The following DOCK1 variants were observed in gnomAD, a reference collection of about 807,000 sequenced individuals.
The protein encoded by DOCK1 is dedicator of cytokinesis protein 1.
A neutral mutation model predicts 262.7 loss-of-function variants in DOCK1; 138 were observed. The ratio of observed to expected loss-of-function variants is 0.53; its 90% CI spans 0.46 to 0.61. The LOEUF (loss-of-function observed/expected upper bound fraction) is 0.61. Among genes scored for constraint, DOCK1 ranks in the 20% least tolerant of loss-of-function variants. DOCK1 has a pLI of 0.00. For synonymous variants in DOCK1, 866 were observed against 867.4 expected (o/e 1.00, Z 0.03); for missense variants, 1,908 against 2,370.7 (o/e 0.80, Z 4.05).
At chr10:127,360,517 T>G (rs560133621) in intron 32 of DOCK1, among the ~76,000 whole-genome samples, 29 of 152,294 alleles carry the variant, frequency 1.9e-4, no homozygotes, top group Admixed American at 3.3e-4. Context: ...CAAAAACCAT[T>G]GAAATTAAAA....
At chr10:127,310,411 C>A (rs11017226) in intron 29 of DOCK1, among the ~76,000 whole-genome samples, 1 of 151,956 alleles carries the variant, frequency 6.6e-6, no homozygotes, top group Non-Finnish European at 1.5e-5. Context: ...GGGAGAATCA[C>A]GGGAGGCCAA....
At chr10:127,091,706 C>A (rs942803749) in intron 23 of DOCK1, among the ~76,000 whole-genome samples, 1 of 152,186 alleles carries the variant, frequency 6.6e-6, no homozygotes, top group African/African-American at 2.4e-5. Context: ...CAGAGAAGAG[C>A]GTGTCAAAAT....
chr10:127,441,988 G>A (rs1323456285), intron 49 of DOCK1, among the ~76,000 whole-genome samples: 2 of 152,102 alleles, frequency 1.3e-5, no homozygotes. Context: ...AATCTCTCTT[G>A]CCAGCACATT....
intron 23 of DOCK1, among the ~76,000 whole-genome samples, chr10:127,089,345 C>A (rs932184497): frequency 6.6e-6 from 1 of 152,172 alleles, no homozygotes; most frequent in Non-Finnish European, 1.5e-5. Flanking sequence ...TGGAGGCCCC[C>A]ACATCTGGAT....
chr10:127,413,217 G>T (rs1329995783), intron 43 of DOCK1, among the ~76,000 whole-genome samples: 2 of 152,328 alleles, frequency 1.3e-5, no homozygotes, highest in African/African-American at 4.8e-5. Flanking sequence ...GTGAGCCACT[G>T]GAGGGTGCGC....
chr10:127,441,118 G>A (rs2070094596), intron 49 of DOCK1, among the ~76,000 whole-genome samples: 1 of 152,214 alleles, frequency 6.6e-6, no homozygotes, highest in South Asian at 2.1e-4. Flanking sequence ...AAATTGGAGG[G>A]CCTCGGAGCA....
chr10:127,293,445 C>T (rs114193383), intron 29 of DOCK1, among the ~76,000 whole-genome samples: 2,463 of 152,284 alleles, frequency 0.016, 75 homozygotes, highest in African/African-American at 0.057. Flanking sequence ...GGGCCAGCAC[C>T]GGGTTTTGTG....
intron 22 of DOCK1, among the ~76,000 whole-genome samples, chr10:127,057,508 T>G (rs1391437612): frequency 1.3e-5 from 2 of 152,220 alleles, no homozygotes; most frequent in African/African-American, 2.4e-5. Context: ...TTGTTTTGTT[T>G]AGAAAGCTCA....
intron 25 of DOCK1, 73 bp downstream of exon 25, chr10:127,110,427 C>G (rs537357845): frequency 7.4e-7 from 1 of 1,360,098 alleles, no homozygotes; most frequent in African/African-American, 1.4e-5. Context: ...TCTGAATTGC[C>G]TCTTCTTGAC....
chr10:127,236,509 T>TG (rs1298336081), intron 27 of DOCK1, among the ~76,000 whole-genome samples: 2 of 144,218 alleles, frequency 1.4e-5, no homozygotes, highest in Non-Finnish European at 3.0e-5. Flanking sequence ...GGTTTTTTTT[T>TG]TTTTTTTTTT....
chr10:127,378,228 G>A (rs1484136851), intron 35 of DOCK1, among the ~76,000 whole-genome samples: 2 of 152,134 alleles, frequency 1.3e-5, no homozygotes, highest in African/African-American at 2.4e-5. Context: ...AATGCAGAGT[G>A]GGGTCCAGTA....
intron 44 of DOCK1, 71 bp from the exon 45 acceptor site, chr10:127,418,294 G>C (rs1186319428): frequency 1.4e-6 from 2 of 1,436,488 alleles, no homozygotes; most frequent in African/African-American, 2.9e-5. Flanking sequence ...AGAGCACGTG[G>C]CTCCTCTGGT....
intron 27 of DOCK1, among the ~76,000 whole-genome samples, chr10:127,211,187 C>G: frequency 6.6e-6 from 1 of 152,176 alleles, no homozygotes; most frequent in Non-Finnish European, 1.5e-5. Flanking sequence ...GAGTCCTGCA[C>G]TCTAACTGCA....
At chr10:126,906,318 C>T (rs1215397129) in intron 1 of DOCK1, among the ~76,000 whole-genome samples, 2 of 152,164 alleles carry the variant, frequency 1.3e-5, no homozygotes, top group African/African-American at 2.4e-5. Flanking sequence ...GGGAGGCTTT[C>T]CCTTGCGGCT....
chr10:127,244,582 G>A (rs759374716), intron 27 of DOCK1, among the ~76,000 whole-genome samples: 2 of 152,048 alleles, frequency 1.3e-5, no homozygotes, highest in African/African-American at 2.4e-5. Context: ...TTGCTATTTT[G>A]GCAGGCAAAT....
intron 43 of DOCK1, among the ~76,000 whole-genome samples, chr10:127,413,866 G>A (rs566682228): frequency 3.5e-4 from 54 of 152,222 alleles, no homozygotes; most frequent in African/African-American, 1.2e-3. Context: ...CCTATGGAAC[G>A]TAAGAAGTTT....
At chr10:127,167,889 C>A (rs1421994297) in intron 27 of DOCK1, among the ~76,000 whole-genome samples, 1 of 152,190 alleles carries the variant, frequency 6.6e-6, no homozygotes, top group Non-Finnish European at 1.5e-5. Context: ...AGCTCCTCCC[C>A]TGGCTTCACC....
At chr10:127,450,722 T>A (rs6482917) in intron 51 of DOCK1, among the ~76,000 whole-genome samples, 28,874 of 152,034 alleles carry the variant, frequency 0.19, 3,541 homozygotes, top group African/African-American at 0.35. Context: ...TTTTGGAATC[T>A]AAAGTAATAT....
chr10:127,084,746 C>T (rs1159948785), intron 23 of DOCK1, among the ~76,000 whole-genome samples: 2 of 152,180 alleles, frequency 1.3e-5, no homozygotes, highest in Non-Finnish European at 2.9e-5. Flanking sequence ...TCTCACTCCA[C>T]CTGTCCTCCA....
Sources: gnomAD v4.1 joint callset for allele counts (sites outside exome capture counted in the v4.1 genomes callset) on GRCh38, gnomAD v4.1.1 for gene constraint, MANE v1.5 for transcripts, NCBI Gene and HGNC (gene_info 2026-07-23, HGNC 2026-07-21) for gene names.